PIF1: variants seen among roughly 807,000 people sequenced by gnomAD.
The protein encoded by PIF1 is ATP-dependent DNA helicase PIF1.
Under a neutral mutation model 62.3 loss-of-function variants are expected in PIF1, and 67 were observed. That is an observed-to-expected ratio of 1.08 (90% CI 0.88 to 1.32). The LOEUF (loss-of-function observed/expected upper bound fraction) is 1.32, where lower values mean the gene tolerates loss of function less well. PIF1 is among the 40% of genes most tolerant of loss of function. The pLI is 0.00. For missense variants in PIF1, 886 were observed against 866.1 expected (o/e 1.02, Z -0.29); for synonymous variants, 364 against 379.5 (o/e 0.96, Z 0.47).
At chr15:64,821,541 C>A (rs1273260337) in intron 4 of PIF1, 21 bp from the exon 5 acceptor site, 1 of 1,555,906 alleles carries the variant, frequency 6.4e-7, no homozygotes, top group Non-Finnish European at 8.7e-7. Context: ...CACTATTCAG[C>A]CTGGGCTAAT....
At chr15:64,823,093 A>G (rs1567087670) in intron 2 of PIF1, among the ~76,000 whole-genome samples, 2 of 152,006 alleles carry the variant, frequency 1.3e-5, no homozygotes, top group African/African-American at 2.4e-5. Flanking sequence ...AACCCACCAG[A>G]CTTTTTTCCC....
At chr15:64,818,773 G>A in intron 9 of PIF1, 1 of 307,808 alleles carries the variant, frequency 3.2e-6, no homozygotes, top group Non-Finnish European at 6.0e-6. Context: ...CAACATTGAG[G>A]GAGGAATCAG....
At chr15:64,820,608 G>A (rs1177436779) in intron 7 of PIF1, among the ~76,000 whole-genome samples, 1 of 152,154 alleles carries the variant, frequency 6.6e-6, no homozygotes, top group Non-Finnish European at 1.5e-5. Flanking sequence ...GGTTGGCCAG[G>A]CTGGTCTCAA....
At position 64,822,501 on chromosome 15, in the gene PIF1, C is replaced by G. The variant is rs139868280; in HGVS notation, c.668G>C (p.Ser223Thr). 1,174 of 1,614,098 alleles carry G rather than the reference C, an allele frequency of 7.3e-4. 4 individuals carry two copies. Among genetic ancestry groups the G allele is most frequent in the Middle Eastern group, 3.8e-3 (23 of 6,062 alleles). The change falls in exon 3 of 13, where the codon AGC becomes ACC. Residue 223 changes from serine (S) to threonine (T), a missense_variant. By Grantham distance (58) the Ser-to-Thr change is moderately conservative. Coordinates refer to ENST00000559239, the MANE Select transcript of PIF1 (RefSeq NM_001286496.2). ...ACCTGCACTCCCAGTGAAGAAGATGCTCTGGCCTTTCAGGACGGCCCTCAG... is the reference window on the plus strand; with the variant it reads ...ACCTGCACTCCCAGTGAAGAAGATGGTCTGGCCTTTCAGGACGGCCCTCAG... The part of the protein sequence containing the change: ...AVLRAVLKGQ[S>T]IFFTGSAGTG...
At position 64,818,263 on chromosome 15, in the gene PIF1, C is replaced by G. The variant is rs2084225338; in HGVS notation, c.1522G>C (p.Gly508Arg). 3 of 1,614,062 alleles carry G rather than the reference C, an allele frequency of 1.9e-6. No homozygotes were observed. Among genetic ancestry groups the G allele is most frequent in the Non-Finnish European group, 2.5e-6 (3 of 1,180,046 alleles). ...RGVVVGFEAE[G>R]RGLPQVRFLC... Reference sequence around the variant, plus strand: ...ACCTCCTCCCAACACTTACCTCTCCCTTCTGCCTCGAACCCAACTACCACC... The same window carrying G: ...ACCTCCTCCCAACACTTACCTCTCCGTTCTGCCTCGAACCCAACTACCACC... The change falls in exon 10 of 13, where the codon GGG (glycine) becomes CGG (arginine). Residue 508 changes from glycine to arginine, a missense_variant. Gly to Arg is a moderately radical substitution (Grantham distance 125). Transcript: ENST00000559239.
rs1368421586 is a variant in PIF1 at position 64,819,881 on chromosome 15, G to A, written c.1299C>T (p.Ala433=). The A allele has an allele frequency of 6.2e-7, 1 of 1,613,898 alleles. No individual in the cohort carries two copies. Among genetic ancestry groups the A allele is most frequent in the Non-Finnish European group, 8.5e-7 (1 of 1,180,030 alleles). The stretch of plus-strand genomic sequence containing the variant: ...CCTGAAGCCGCCTCTCGTTGGTGAG[G>A]GCCACATCATCCTGGTGGGTGCAGA... ...TRLCTHQDDV[A]LTNERRLQEL... Residue 433 remains alanine (A), a synonymous_variant, in exon 8 of 13, where the codon GCC becomes GCT. Coordinates refer to ENST00000559239, the MANE Select transcript of PIF1 (RefSeq NM_001286496.2).
rs1271535814 is a variant in PIF1 at position 64,822,573 on chromosome 15, C to T, written c.596G>A (p.Ser199Asn). Reference protein sequence around the residue: ...PRWPLPVKRLSLPSTKPQLSE... With the variant: ...PRWPLPVKRLNLPSTKPQLSE... ...AAGCTGTGGCTTGGTGGAGGGCAAG[C>T]TCAGCCTCTTCACAGGCAGGGGCCA... The change falls in exon 3 of 13, where the codon AGC becomes AAC. Residue 199 changes from serine to asparagine, a missense_variant. By Grantham distance (46) the Ser-to-Asn change is conservative. Coordinates refer to ENST00000559239, the MANE Select transcript of PIF1 (RefSeq NM_001286496.2). 1 of 1,614,188 alleles carries T rather than the reference C, an allele frequency of 6.2e-7. No homozygotes were observed. The highest frequency in any genetic ancestry group is 1.7e-5 in the Admixed American group (1 of 60,024).
chr15:64,822,177 C>T, intron 4 of PIF1, 89 bp downstream of exon 4: 2 of 1,534,404 alleles, frequency 1.3e-6, no homozygotes, highest in South Asian at 1.2e-5. Flanking sequence ...GCCCAGCCCC[C>T]AAAACTCCCT....
In PIF1 at chr15:64,818,166, C is replaced by A. The variant is rs370910321; in HGVS notation, c.1529-75G>T. The A allele has an allele frequency of 1.2e-5, 19 of 1,610,040 alleles. No individual in the cohort carries two copies. The South Asian group carries it at 1.9e-4, about 16-fold the overall frequency. ...AGGTGAGGAGCAGGGGCCTTTGGAGCTTTCCTTCCTAGTCTTTTTCTCCCC... is the reference window on the plus strand; with the variant it reads ...AGGTGAGGAGCAGGGGCCTTTGGAGATTTCCTTCCTAGTCTTTTTCTCCCC... On this transcript the variant is annotated intron_variant, in intron 10 of 12. Coordinates refer to ENST00000559239, the MANE Select transcript of PIF1 (RefSeq NM_001286496.2).
upstream of PIF1, chr15:64,825,807 G>C (rs2084359975): frequency 3.3e-5 from 5 of 152,206 alleles, no homozygotes; most frequent in South Asian, 1.0e-3. Context: ...GCCTGCTAGA[G>C]GAAGGAGGTT....
At position 64,824,153 on chromosome 15, in the gene PIF1, C is replaced by A. The variant is rs1440802875; in HGVS notation, c.183G>T (p.Gly61=). The change falls in exon 2 of 13, where the codon GGG becomes GGT. Residue 61 remains glycine, a synonymous_variant. Transcript: ENST00000559239. ...GAAAGCAGCGCGGCCGCCCCGCGGG[C>A]CCTGGCGCTTGCAGCCGCAGCATCA... ...RELMLRLQAP[G]PAGRPRCFPL... The A allele has an allele frequency of 2.3e-6, 3 of 1,305,294 alleles. No homozygotes were observed. Among genetic ancestry groups the A allele is most frequent in the South Asian group, 4.5e-5 (2 of 44,762 alleles). The allele number at this position is 1,305,294 out of a possible 1,614,324, so 80.9% of individuals were successfully genotyped here. A position where few individuals can be genotyped will look rare whatever the true frequency, so the allele number is the denominator to read the frequency against.
At position 64,823,992 on chromosome 15, in the gene PIF1, C is replaced by A; in HGVS notation, c.344G>T (p.Arg115Leu). Residue 115 changes from arginine (R) to leucine (L), a missense_variant, in exon 2 of 13, where the codon CGC becomes CTC. Physicochemically the swap from Arg to Leu is moderately radical, Grantham distance 102. Coordinates refer to ENST00000559239, the MANE Select transcript of PIF1 (RefSeq NM_001286496.2). ...CTTGAGGCGCAATGTGCGCAGGAAG[C>A]GGCGCAGGCGGTCTGGGGGGCAGTC... is the stretch of plus-strand genomic sequence containing the variant. ...LSDCPPDRLRRFLRTLRLKLA... is the reference protein window; with the variant it reads ...LSDCPPDRLRLFLRTLRLKLA... 1 of 1,297,706 alleles carries A rather than the reference C, an allele frequency of 7.7e-7. No homozygotes were observed. The highest frequency in any genetic ancestry group is 9.8e-7 in the Non-Finnish European group (1 of 1,022,878). 80.4% of individuals were successfully genotyped at this position (1,297,706 alleles called of 1,614,324 possible).
rs1478378984 is a variant in PIF1, at chr15:64,819,126, C to A, written c.1431G>T (p.Leu477=). Residue 477 remains leucine (L), a synonymous_variant, in exon 9 of 13, where the codon CTG becomes CTT. Coordinates refer to ENST00000559239, the MANE Select transcript of PIF1 (RefSeq NM_001286496.2). ...CPVSQLLQLK[L]GAQVMLVKNL... Reference sequence around the variant, plus strand: ...CCTGCTTCCCACTCACCTGGGCCCCCAGCTTTAGTTGAAGGAGCTGGCTAA... The same window carrying A: ...CCTGCTTCCCACTCACCTGGGCCCCAAGCTTTAGTTGAAGGAGCTGGCTAA... 6.3e-7 allele frequency: 1 copy of A among 1,588,608 alleles called. No homozygotes were observed. Among genetic ancestry groups the A allele is most frequent in the Non-Finnish European group, 8.5e-7 (1 of 1,172,874 alleles).
Position 64,821,462 on chromosome 15 carries a change from G to T in PIF1, c.876C>A (p.Gly292=), listed in dbSNP as rs746918662. ...GGCAGTTCAGCCAGCCCTGCCGCAC[G>T]CCTGGCCTTTGGGCCAGGGCCACAC... is the stretch of plus-strand genomic sequence containing the variant. ...AQCVALAQRP[G]VRQGWLNCQR... The change falls in exon 5 of 13, where the codon GGC becomes GGA. Residue 292 remains glycine (G), a synonymous_variant. Transcript: ENST00000559239. 1.2e-5 allele frequency: 20 copies of T among 1,613,948 alleles called. No individual in the cohort carries two copies. The African/African-American group carries it at 2.7e-4, about 22-fold the overall frequency.
intron 2 of PIF1, 38 bp from the exon 3 acceptor site, chr15:64,822,648 C>T: frequency 6.2e-7 from 1 of 1,611,158 alleles, no homozygotes; most frequent in South Asian, 1.1e-5. Context: ...ATCCTCCCAC[C>T]CGCTAGGCAT....
chr15:64,824,063 G>T lies in PIF1; in HGVS notation c.273C>A (p.Pro91=), dbSNP rs556294430. The change falls in exon 2 of 13, where the codon CCC becomes CCA. Residue 91 remains proline (P), a synonymous_variant. Transcript: ENST00000559239. Reference sequence around the variant, plus strand: ...CGCCGGCCCCGGGGGTGTCGTGGGCGGGGAGCCGCAGGGTGCTGCGCCCGG... The same window carrying T: ...CGCCGGCCCCGGGGGTGTCGTGGGCTGGGAGCCGCAGGGTGCTGCGCCCGG... The part of the protein sequence containing the change: ...AEAGRSTLRL[P]AHDTPGAGAV... 3.2e-6 allele frequency: 4 copies of T among 1,264,142 alleles called. No individual in the cohort carries two copies. The highest frequency in any genetic ancestry group is 3.2e-5 in the East Asian group (1 of 31,502). 78.3% of individuals were successfully genotyped at this position (1,264,142 alleles called of 1,614,324 possible). A position where few individuals can be genotyped will look rare whatever the true frequency, so the allele number is the denominator to read the frequency against.
intron 1 of PIF1, among the ~76,000 whole-genome samples, chr15:64,824,920 C>G (rs2084346631): frequency 6.6e-6 from 1 of 150,474 alleles, no homozygotes; most frequent in African/African-American, 2.4e-5. Flanking sequence ...CACACGCACC[C>G]TGCTACACAA....
In PIF1 at chr15:64,824,364, C is replaced by T; in HGVS notation, c.-19-10G>A. The stretch of plus-strand genomic sequence containing the variant: ...CACCGCCTCTGCTGGTCTGCGAAGA[C>T]ACCGGAGCACAGGGGTCATGAGGAT... On this transcript the variant is annotated splice_polypyrimidine_tract_variant and intron_variant, in intron 1 of 12. Transcript: ENST00000559239. 1 of 1,241,776 alleles carries T rather than the reference C, an allele frequency of 8.1e-7. No homozygotes were observed. Among genetic ancestry groups the T allele is most frequent in the Non-Finnish European group, 1.0e-6 (1 of 992,632 alleles). 76.9% of individuals were successfully genotyped at this position (1,241,776 alleles called of 1,614,324 possible).
chr15:64,821,565 CTTTTTTTTTTTT>C, intron 4 of PIF1, 45 bp from the exon 5 acceptor site: 7 of 1,248,314 alleles, frequency 5.6e-6, no homozygotes, highest in Non-Finnish European at 5.1e-6. Context: ...CAAAGCCTCT[CTTTTTTTTTTTT>C]TTTTTTTTTT....
Sources: allele counts gnomAD v4.1 joint callset (sites outside exome capture counted in the v4.1 genomes callset), GRCh38; gene constraint gnomAD v4.1.1; transcripts MANE v1.5; gene names NCBI Gene and HGNC (gene_info 2026-07-23, HGNC 2026-07-21).